RBFOX1: variants seen among roughly 807,000 people sequenced by gnomAD.
RBFOX1 encodes RNA binding protein fox-1 homolog 1.
A neutral mutation model predicts 57.7 loss-of-function variants in RBFOX1; 8 were observed. That is an observed-to-expected ratio of 0.14 (90% CI 0.08 to 0.25). The LOEUF is 0.25. Ranked by LOEUF, RBFOX1 falls within the 10% of genes least tolerant of loss-of-function variation. RBFOX1 has a pLI of 1.00. For synonymous variants in RBFOX1, 326 were observed against 222.4 expected, an observed-to-expected ratio of 1.47 and a Z score of -4.15; for missense variants, 611 against 548.5, an observed-to-expected ratio of 1.11 and a Z score of -1.14.
intron 1 of RBFOX1, among the ~76,000 whole-genome samples, chr16:5,244,935 G>T (rs567386700): frequency 4.6e-5 from 7 of 152,204 alleles, no homozygotes; most frequent in African/African-American, 1.7e-4. Flanking sequence ...GTTGCCCTGG[G>T]CTTTAATTCT....
chr16:7,696,795 C>T (rs78465671), intron 14 of RBFOX1, among the ~76,000 whole-genome samples: 5,631 of 152,180 alleles, frequency 0.037, 133 homozygotes, highest in Non-Finnish European at 0.056. Context: ...TTAGACTCAG[C>T]CATCAGAGAA....
At chr16:7,032,065 C>T (rs2042936514) in intron 3 of RBFOX1, among the ~76,000 whole-genome samples, 1 of 152,080 alleles carries the variant, frequency 6.6e-6, no homozygotes, top group Admixed American at 6.6e-5. Flanking sequence ...TTGGAAGCTG[C>T]CAGCAACTTT....
chr16:5,430,576 C>T (rs978006382), intron 1 of RBFOX1, among the ~76,000 whole-genome samples: 7 of 152,164 alleles, frequency 4.6e-5, no homozygotes, highest in Non-Finnish European at 7.3e-5. Context: ...AGGATTTAAA[C>T]GCTAAGCCCA....
At chr16:6,774,582 C>T (rs2079006143) in intron 3 of RBFOX1, among the ~76,000 whole-genome samples, 1 of 152,080 alleles carries the variant, frequency 6.6e-6, no homozygotes, top group African/African-American at 2.4e-5. Context: ...CTGATTGTTA[C>T]AAACAATCTA....
At chr16:6,829,188 G>C (rs1362895003) in intron 3 of RBFOX1, among the ~76,000 whole-genome samples, 3 of 150,682 alleles carry the variant, frequency 2.0e-5, no homozygotes, top group South Asian at 2.1e-4. Flanking sequence ...AGAAATGTCA[G>C]ATGTGTCATT....
chr16:6,392,878 A>G (rs1221661238), intron 2 of RBFOX1, among the ~76,000 whole-genome samples: 2 of 152,254 alleles, frequency 1.3e-5, no homozygotes, highest in East Asian at 1.9e-4. Context: ...CCATATTTTT[A>G]TCAGACGCAA....
intron 2 of RBFOX1, among the ~76,000 whole-genome samples, chr16:6,443,081 C>G (rs889052649): frequency 6.6e-6 from 1 of 152,154 alleles, no homozygotes; most frequent in South Asian, 2.1e-4. Context: ...TAGAATGGAA[C>G]TTGGAAAACA....
intron 4 of RBFOX1, among the ~76,000 whole-genome samples, chr16:7,314,042 GT>G (rs5815392): frequency 0.76 from 115,420 of 151,944 alleles, 43,943 homozygotes; most frequent in East Asian, 0.93. Flanking sequence ...TCCCGATTTT[GT>G]TTTTTTTAAG....
At chr16:5,643,697 A>G (rs948055083) in intron 3 of RBFOX1, among the ~76,000 whole-genome samples, 3 of 152,200 alleles carry the variant, frequency 2.0e-5, no homozygotes, top group Admixed American at 1.3e-4. Context: ...ACTTAGATGC[A>G]CAGGATCGTG....
chr16:6,558,114 T>C (rs1163197694), intron 2 of RBFOX1, among the ~76,000 whole-genome samples: 1 of 152,168 alleles, frequency 6.6e-6, no homozygotes, highest in African/African-American at 2.4e-5. Context: ...GTACTCCAAA[T>C]CAGTGCTTTA....
chr16:6,295,402 G>C (rs1426362384), intron 1 of RBFOX1, among the ~76,000 whole-genome samples: 1 of 152,130 alleles, frequency 6.6e-6, no homozygotes, highest in Non-Finnish European at 1.5e-5. Flanking sequence ...GGGATTACAG[G>C]CATAAGCCAC....
chr16:7,583,690 C>T (rs1428761908), intron 6 of RBFOX1, among the ~76,000 whole-genome samples: 1 of 152,006 alleles, frequency 6.6e-6, no homozygotes, highest in Non-Finnish European at 1.5e-5. Flanking sequence ...AAATACAGAC[C>T]CTCTTGGCCA....
intron 14 of RBFOX1, among the ~76,000 whole-genome samples, chr16:7,687,180 T>G (rs2076247005): frequency 6.6e-6 from 1 of 152,040 alleles, no homozygotes. Flanking sequence ...CACAGTGTAT[T>G]GAAGTACACG....
chr16:7,238,468 C>T (rs1056467334), intron 4 of RBFOX1, among the ~76,000 whole-genome samples: 1 of 152,116 alleles, frequency 6.6e-6, no homozygotes, highest in Non-Finnish European at 1.5e-5. Flanking sequence ...GGTTGTTTCC[C>T]CTTCCTGCAA....
chr16:6,867,220 G>T (rs2142994269), intron 3 of RBFOX1, among the ~76,000 whole-genome samples: 1 of 151,974 alleles, frequency 6.6e-6, no homozygotes, highest in African/African-American at 2.4e-5. Flanking sequence ...AAGTCTTTCT[G>T]TAGGGGAAAA....
chr16:7,292,336 TGA>T (rs1491587669), intron 4 of RBFOX1, among the ~76,000 whole-genome samples: 3 of 136,574 alleles, frequency 2.2e-5, no homozygotes, highest in Non-Finnish European at 3.0e-5. Flanking sequence ...ATATCATACA[TGA>T]TATATATAAT....
In RBFOX1 at chr16:6,628,935, C is replaced by CA. The variant is rs2098346604; in HGVS notation, c.-63-25667dup. Among the ~76,000 whole-genome samples, 3 of 152,280 alleles carry CA rather than the reference C, an allele frequency of 2.0e-5. No individual in the cohort carries two copies. The South Asian group carries it at 6.2e-4, about 32-fold the overall frequency. ...GTCCCAGCTACTAGGGAGGCTGAGA[C>CA]AGGAGAATTGCTTGAACCCAGGCTG... On this transcript the variant is annotated intron_variant, in intron 2 of 15. Transcript: ENST00000550418.
intron 10 of RBFOX1, among the ~76,000 whole-genome samples, chr16:7,611,865 C>T (rs945118392): frequency 2.2e-4 from 34 of 152,052 alleles, no homozygotes; most frequent in South Asian, 1.0e-3. Context: ...ATGCTTATTC[C>T]GTGCCAGTCT....
intron 4 of RBFOX1, among the ~76,000 whole-genome samples, chr16:5,969,544 G>A (rs1426703759): frequency 3.4e-5 from 5 of 145,690 alleles, no homozygotes; most frequent in East Asian, 2.0e-4. Context: ...GGCTGGTCTC[G>A]AACTGCTGAT....
Sources: allele counts gnomAD v4.1 joint callset (sites outside exome capture counted in the v4.1 genomes callset), GRCh38; gene constraint gnomAD v4.1.1; transcripts MANE v1.5; gene names NCBI Gene and HGNC (gene_info 2026-07-23, HGNC 2026-07-21).